Variants in AKNA observed in about 807,000 individuals in gnomAD.
The protein encoded by AKNA is microtubule organization protein AKNA.
In AKNA, 67 loss-of-function variants were observed where a neutral mutation model predicts 138.8. That is an observed-to-expected ratio of 0.48 (90% CI 0.40 to 0.59). The LOEUF is 0.59. Ranked by LOEUF, AKNA falls within the 20% of genes least tolerant of loss-of-function variation. AKNA has a pLI of 0.00. For missense variants in AKNA, 1,813 were observed against 1,880.4 expected, an observed-to-expected ratio of 0.96 and a Z score of 0.66; for synonymous variants, 737 against 754.4, an observed-to-expected ratio of 0.98 and a Z score of 0.38.
At chr9:114,382,973 TTA>T (rs1438369775) in intron 1 of AKNA, among the ~76,000 whole-genome samples, 1 of 152,114 alleles carries the variant, frequency 6.6e-6, no homozygotes, top group East Asian at 1.9e-4. Context: ...ATGGTTAGTT[TTA>T]TGTTATGTGA....
Position 114,374,102 on chromosome 9 carries a change from G to C in AKNA, c.1407C>G (p.Leu469=), listed in dbSNP as rs770207208. 1.6e-5 allele frequency: 25 copies of C among 1,556,432 alleles called. No homozygotes were observed. Among genetic ancestry groups the C allele is most frequent in the Non-Finnish European group, 2.2e-5 (25 of 1,149,476 alleles). Residue 469 remains leucine, a synonymous_variant, in exon 4 of 22, where the codon CTC becomes CTG. Coordinates refer to ENST00000374088, the MANE Select transcript of AKNA (RefSeq NM_001317950.2). ...CATCCCGGCCTGGTACCTTGGCCCC[G>C]AGGCGTAGCTGGTCAATGGTGTTCT... ...EAENTIDQLR[L]GAKVNLFSDP...
At chr9:114,341,249 AAAGTTAT>A (rs1391542483) in intron 21 of AKNA, among the ~76,000 whole-genome samples, 2 of 152,198 alleles carry the variant, frequency 1.3e-5, no homozygotes, top group Non-Finnish European at 2.9e-5. Context: ...CAGTCTCCAC[AAAGTTAT>A]AAGCTCCCAG....
Position 114,381,066 on chromosome 9 carries a change from C to T in AKNA, c.268G>A (p.Gly90Arg). 1 of 1,546,696 alleles carries T rather than the reference C, an allele frequency of 6.5e-7. No individual in the cohort carries two copies. Residue 90 changes from glycine to arginine, a missense_variant, in exon 2 of 22, where the codon GGA (glycine) becomes AGA (arginine). Transcript: ENST00000374088. ...GGAGGGGTGTCAGTCTCACCTTCTC[C>T]CGAAGTCTCTCCTGACTCGGAATCC... ...HQDSESGETS[G>R]EEAEAEDVDS...
At chr9:114,331,721 C>T (rs751517453), downstream of AKNA, 27 of 1,582,240 alleles carry the variant, frequency 1.7e-5, no homozygotes, top group Admixed American at 1.0e-4. Context: ...TCAGGCCTCA[C>T]CCCCCATTCA....
chr9:114,331,801 G>A (rs763259950), downstream of AKNA: 9 of 1,610,030 alleles, frequency 5.6e-6, no homozygotes, highest in Non-Finnish European at 7.6e-6. Flanking sequence ...CATGTCCCCA[G>A]TCAGTCTCCT....
In AKNA at chr9:114,380,307, C is replaced by T. The variant is rs565856357; in HGVS notation, c.274+753G>A. Among the ~76,000 whole-genome samples the T allele has an allele frequency of 3.3e-5, 5 of 152,214 alleles. No homozygotes were observed. In the South Asian group the frequency reaches 1.0e-3, roughly 32 times the overall value. The stretch of plus-strand genomic sequence containing the variant: ...CAAAATCTAGAAACTACTAAAACGC[C>T]CAGCAGTAGGAGACTGGCCAATTAA... On this transcript the variant is annotated intron_variant, in intron 2 of 21. Transcript: ENST00000374088.
rs1236547652 is a variant in AKNA, at chr9:114,336,157, CTTTTT to C, written c.*892_*896del. The C allele has an allele frequency of 3.3e-5, 5 of 152,624 alleles. No homozygotes were observed. Among genetic ancestry groups the C allele is most frequent in the Admixed American group, 2.0e-4 (3 of 15,280 alleles). 9.5% of individuals were successfully genotyped at this position (152,624 alleles called of 1,614,324 possible). A position where few individuals can be genotyped will look rare whatever the true frequency, so the allele number is the denominator to read the frequency against. On this transcript the variant is annotated 3_prime_UTR_variant, in exon 22 of 22. Coordinates refer to ENST00000374088, the MANE Select transcript of AKNA (RefSeq NM_001317950.2). ...TTGGGTATTTTTTTTGTCTTCTTTT[CTTTTT>C]TTAAGATCAATATTCATTCTTCATT...
At chr9:114,332,067 T>C, downstream of AKNA, 1 of 620,456 alleles carries the variant, frequency 1.6e-6, no homozygotes, top group Non-Finnish European at 2.9e-6. Context: ...TGCCTCACTG[T>C]AGGGACAGCT....
chr9:114,378,581 G>T (rs1044224506), intron 2 of AKNA, among the ~76,000 whole-genome samples: 1 of 152,120 alleles, frequency 6.6e-6, no homozygotes, highest in African/African-American at 2.4e-5. Context: ...AGGAAGAGAG[G>T]GAAGGAAGGA....
In AKNA at chr9:114,341,998, T is replaced by C. The variant is rs190149087; in HGVS notation, c.3874+11A>G. 1.2e-6 allele frequency: 2 copies of C among 1,606,510 alleles called. No individual in the cohort carries two copies. Among genetic ancestry groups the C allele is most frequent in the Non-Finnish European group, 8.5e-7 (1 of 1,173,146 alleles). ...GGTCTGGCTAAGAGAAGAAACAGTA[T>C]TTGTCCCTACCAGAGGTGGCTGAGC... On this transcript the variant is annotated intron_variant, in intron 20 of 21. Coordinates refer to ENST00000374088, the MANE Select transcript of AKNA (RefSeq NM_001317950.2).
chr9:114,383,055 C>G, intron 1 of AKNA: 1 of 441,618 alleles, frequency 2.3e-6, no homozygotes, highest in Non-Finnish European at 4.6e-6. Context: ...GGGAGCAAGC[C>G]TACCAGGGGC....
chr9:114,369,662 TCATTAGCATCAC>T (rs1832619781), intron 4 of AKNA, among the ~76,000 whole-genome samples: 1 of 151,114 alleles, frequency 6.6e-6, no homozygotes, highest in Admixed American at 6.6e-5. Flanking sequence ...ACCACTACCA[TCATTAGCATCAC>T]CATCAGCATC....
At chr9:114,396,725 C>G (rs1834546845), upstream of AKNA, 1 of 152,044 alleles carries the variant, frequency 6.6e-6, no homozygotes, top group Non-Finnish European at 1.5e-5. Context: ...CATTACCAAC[C>G]TCATTTTGTG....
At chr9:114,355,108 T>A (rs28868006) in intron 14 of AKNA, among the ~76,000 whole-genome samples, 15,781 of 151,126 alleles carry the variant, frequency 0.1, 2,675 homozygotes, top group African/African-American at 0.36. Context: ...CCTTAAGTGA[T>A]CCTCCCACCT....
chr9:114,385,026 T>A (rs1265797185), intron 1 of AKNA, among the ~76,000 whole-genome samples: 2 of 151,852 alleles, frequency 1.3e-5, no homozygotes, highest in Non-Finnish European at 2.9e-5. Context: ...ATTTTAAAAA[T>A]TTTTTTTTGT....
chr9:114,380,595 T>C (rs1833566780), intron 2 of AKNA, among the ~76,000 whole-genome samples: 1 of 152,216 alleles, frequency 6.6e-6, no homozygotes, highest in Non-Finnish European at 1.5e-5. Context: ...AATGGTATTA[T>C]GTATACAATT....
Position 114,337,085 on chromosome 9 carries a change from G to A in AKNA, c.4289C>T (p.Ala1430Val). Residue 1430 changes from alanine to valine, a missense_variant, in exon 22 of 22, where the codon GCT (alanine) becomes GTT (valine). Transcript: ENST00000374088. ...RSSLSADLRQ[A>V]HSLRGSCLF ...GAGGCAGGAGCCCCGCAGGCTGTGA[G>A]CCTGGCGCAGGTCGGCTGACAGCGA... The A allele has an allele frequency of 6.3e-7, 1 of 1,583,622 alleles. No homozygotes were observed. Among genetic ancestry groups the A allele is most frequent in the Non-Finnish European group, 8.6e-7 (1 of 1,164,702 alleles).
intron 21 of AKNA, among the ~76,000 whole-genome samples, chr9:114,339,914 T>C (rs1376534508): frequency 6.6e-6 from 1 of 152,138 alleles, no homozygotes; most frequent in Non-Finnish European, 1.5e-5. Context: ...CTGGCCAACA[T>C]GGCGAAACCC....
At chr9:114,364,209 C>A (rs1180027850) in intron 7 of AKNA, among the ~76,000 whole-genome samples, 2 of 151,980 alleles carry the variant, frequency 1.3e-5, no homozygotes, top group Non-Finnish European at 2.9e-5. Context: ...GTTCTCCTGC[C>A]TACTAGCTGT....
Sources: gnomAD v4.1 joint callset for allele counts (sites outside exome capture counted in the v4.1 genomes callset) on GRCh38, gnomAD v4.1.1 for gene constraint, MANE v1.5 for transcripts, NCBI Gene and HGNC (gene_info 2026-07-23, HGNC 2026-07-21) for gene names.